The following IMMP2L variants were observed in gnomAD, a reference collection of about 807,000 sequenced individuals.
IMMP2L encodes mitochondrial inner membrane protease subunit 2.
Under a neutral mutation model 19.3 loss-of-function variants are expected in IMMP2L, and 18 were observed. The observed-to-expected ratio is 0.93, with a 90% confidence interval of 0.64 to 1.38. The LOEUF (loss-of-function observed/expected upper bound fraction) is 1.38. Among genes scored for constraint, IMMP2L ranks in the 40% most tolerant of loss-of-function variants. IMMP2L has a pLI of 0.00. For missense variants in IMMP2L, 233 were observed against 218.2 expected (o/e 1.07, Z -0.43); for synonymous variants, 76 against 73.0 (o/e 1.04, Z -0.21).
At chr7:110,693,592 C>T (rs369793622) in intron 5 of IMMP2L, among the ~76,000 whole-genome samples, 1 of 152,180 alleles carries the variant, frequency 6.6e-6, no homozygotes, top group South Asian at 2.1e-4. Flanking sequence ...TCAACAAACA[C>T]TTCCTGAATA....
chr7:110,945,879 C>T (rs1817200083), intron 4 of IMMP2L, among the ~76,000 whole-genome samples: 1 of 152,246 alleles, frequency 6.6e-6, no homozygotes, highest in South Asian at 2.1e-4. Context: ...AACATTCCAA[C>T]CAAAATCCTA....
At chr7:111,010,012 A>G (rs552886966) in intron 3 of IMMP2L, among the ~76,000 whole-genome samples, 8 of 152,300 alleles carry the variant, frequency 5.3e-5, no homozygotes, top group Admixed American at 3.3e-4. Flanking sequence ...CCTAGCCATC[A>G]GCTGATTTAC....
At chr7:110,830,894 T>A (rs1803916567) in intron 5 of IMMP2L, among the ~76,000 whole-genome samples, 2 of 152,142 alleles carry the variant, frequency 1.3e-5, no homozygotes, top group South Asian at 4.1e-4. Context: ...ACCACAGACG[T>A]ATAGCAGCTT....
Position 111,562,034 on chromosome 7 carries a change from C to G in IMMP2L, c.-186G>C, listed in dbSNP as rs1792127944. On this transcript the variant is annotated 5_prime_UTR_variant, in exon 1 of 6. Coordinates refer to ENST00000405709, the MANE Select transcript of IMMP2L (RefSeq NM_032549.4). ...CCAGGCAGAAGGCAGCGCGCCCCCA[C>G]AGCGCTCCCTCACGGCCAGAGCCGG... 6.6e-6 allele frequency: 1 copy of G among 152,530 alleles called. No homozygotes were observed. The highest frequency in any genetic ancestry group is 1.5e-5 in the Non-Finnish European group (1 of 68,158). 9.4% of individuals were successfully genotyped at this position (152,530 alleles called of 1,614,324 possible). A position where few individuals can be genotyped will look rare whatever the true frequency, so the allele number is the denominator to read the frequency against.
intron 3 of IMMP2L, among the ~76,000 whole-genome samples, chr7:111,460,472 T>C (rs988972672): frequency 1.6e-4 from 25 of 152,258 alleles, no homozygotes; most frequent in African/African-American, 6.0e-4. Flanking sequence ...GGCTATTTTA[T>C]TATTGTTTTG....
At chr7:111,254,341 A>G (rs1194743560) in intron 3 of IMMP2L, among the ~76,000 whole-genome samples, 5 of 152,134 alleles carry the variant, frequency 3.3e-5, no homozygotes, top group African/African-American at 1.2e-4. Context: ...GTCTTTGAAT[A>G]TATGCAAATC....
At chr7:110,993,848 A>T (rs1822744826) in intron 3 of IMMP2L, among the ~76,000 whole-genome samples, 2 of 151,478 alleles carry the variant, frequency 1.3e-5, no homozygotes, top group Non-Finnish European at 2.9e-5. Flanking sequence ...TGATGAACAC[A>T]CTCTCCTAGG....
chr7:111,295,869 T>C (rs185018591), intron 3 of IMMP2L, among the ~76,000 whole-genome samples: 337 of 151,570 alleles, frequency 2.2e-3, no homozygotes, highest in African/African-American at 7.0e-3. Flanking sequence ...CAACAAAAAT[T>C]AACTCTAAAT....
intron 3 of IMMP2L, among the ~76,000 whole-genome samples, chr7:111,319,289 T>TA (rs1824430824): frequency 6.6e-6 from 1 of 152,120 alleles, no homozygotes; most frequent in East Asian, 1.9e-4. Flanking sequence ...AGACCATAGT[T>TA]AAAGTCCTCA....
At chr7:111,424,564 G>A (rs1835890867) in intron 3 of IMMP2L, among the ~76,000 whole-genome samples, 1 of 151,726 alleles carries the variant, frequency 6.6e-6, no homozygotes, top group Non-Finnish European at 1.5e-5. Flanking sequence ...CAAGGTACCT[G>A]AATAACAGCT....
At chr7:110,884,521 C>T (rs963137502) in intron 5 of IMMP2L, among the ~76,000 whole-genome samples, 8 of 151,884 alleles carry the variant, frequency 5.3e-5, no homozygotes, top group South Asian at 2.1e-4. Context: ...TATCATGGGA[C>T]GATAGGACAT....
rs117867488 is a variant in IMMP2L, at chr7:111,410,535, G to A, written c.239+76703C>T. Among the ~76,000 whole-genome samples the A allele has an allele frequency of 9.3e-4, 140 of 150,720 alleles. 1 individual carries two copies. The highest frequency in any genetic ancestry group is 1.3e-3 in the Non-Finnish European group (91 of 67,742). On this transcript the variant is annotated intron_variant, in intron 3 of 5. Coordinates refer to ENST00000405709, the MANE Select transcript of IMMP2L (RefSeq NM_032549.4). ...CCTAACAGTGAAAAAAAAAATTAGA[G>A]ACAGACAAATAAAAGGGAGGAAAAT...
At chr7:111,128,858 T>G (rs767648709) in intron 3 of IMMP2L, among the ~76,000 whole-genome samples, 31 of 152,178 alleles carry the variant, frequency 2.0e-4, no homozygotes, top group Non-Finnish European at 2.8e-4. Context: ...CCATAAATTA[T>G]TTCTATGCAT....
intron 3 of IMMP2L, among the ~76,000 whole-genome samples, chr7:111,095,263 C>T (rs761501364): frequency 6.6e-6 from 1 of 151,848 alleles, no homozygotes; most frequent in African/African-American, 2.4e-5. Context: ...GGTTTGAAAT[C>T]GTTATAATGT....
chr7:111,436,697 A>G (rs1199460459), intron 3 of IMMP2L, among the ~76,000 whole-genome samples: 1 of 151,974 alleles, frequency 6.6e-6, no homozygotes. Flanking sequence ...TCATTAGACA[A>G]AACTGCACTG....
intron 3 of IMMP2L, among the ~76,000 whole-genome samples, chr7:111,084,903 T>A (rs1019361149): frequency 6.6e-5 from 10 of 152,144 alleles, no homozygotes; most frequent in African/African-American, 2.4e-4. Context: ...GGGTTCAGGA[T>A]TAAAGGGATG....
At position 111,236,801 on chromosome 7, in the gene IMMP2L, A is replaced by G. The variant is rs986017008; in HGVS notation, c.239+250437T>C. Among the ~76,000 whole-genome samples, 29 of 152,064 alleles carry G rather than the reference A, an allele frequency of 1.9e-4. 1 individual carries two copies. The highest frequency in any genetic ancestry group is 6.6e-4 in the Admixed American group (10 of 15,254). ...GGCCCTGGAAAAACCTCTCAAGGCA[A>G]TCAGCTGGTACAATCAAAGGGCTTA... On this transcript the variant is annotated intron_variant, in intron 3 of 5. Transcript: ENST00000405709.
chr7:111,169,636 T>C (rs891866080), intron 3 of IMMP2L, among the ~76,000 whole-genome samples: 5 of 151,892 alleles, frequency 3.3e-5, no homozygotes, highest in African/African-American at 1.2e-4. Flanking sequence ...TGACTCTCTC[T>C]CTGTGTCCAG....
intron 3 of IMMP2L, among the ~76,000 whole-genome samples, chr7:111,107,916 A>T (rs984384500): frequency 1.3e-5 from 2 of 152,188 alleles, no homozygotes; most frequent in Non-Finnish European, 2.9e-5. Context: ...TGCTGCATAG[A>T]TTTAGAGTTC....
Sources: gnomAD v4.1 joint callset for allele counts (sites outside exome capture counted in the v4.1 genomes callset) on GRCh38, gnomAD v4.1.1 for gene constraint, MANE v1.5 for transcripts, NCBI Gene and HGNC (gene_info 2026-07-23, HGNC 2026-07-21) for gene names.